TRRAP: variants seen among roughly 807,000 people sequenced by gnomAD.
TRRAP encodes transformation/transcription domain associated protein.
TRRAP carries 41 observed loss-of-function variants against 438.8 expected under a neutral mutation model. That is an observed-to-expected ratio of 0.09 (90% CI 0.07 to 0.12). The LOEUF is 0.12. Among genes scored for constraint, TRRAP ranks in the 10% least tolerant of loss-of-function variants. The pLI is 1.00. For missense variants in TRRAP, 3,122 were observed against 5,055.1 expected (o/e 0.62, Z 11.60); for synonymous variants, 1,994 against 1,962.9 (o/e 1.02, Z -0.42).
Position 98,897,842 on chromosome 7 carries a change from G to T in TRRAP, c.609G>T (p.Glu203Asp). ...CGATTGCTGTGAAAGTCAACCCGGA[G>T]CGTGAGGACAGTGAGACTCGAACAG... is the stretch of plus-strand genomic sequence containing the variant. ...ITTIAVKVNP[E>D]REDSETRTHS... Residue 203 changes from glutamate to aspartate, a missense_variant, in exon 8 of 73, where the codon GAG becomes GAT. Glu to Asp is a conservative substitution (Grantham distance 45, BLOSUM62 2). Coordinates refer to ENST00000456197, the MANE Select transcript of TRRAP (RefSeq NM_001375524.1). 6.2e-7 allele frequency: 1 copy of T among 1,614,060 alleles called. No individual in the cohort carries two copies. The highest frequency in any genetic ancestry group is 8.5e-7 in the Non-Finnish European group (1 of 1,180,002).
In TRRAP at chr7:98,956,866, A is replaced by G. The variant is rs1554419960; in HGVS notation, c.6231+333A>G. Among the ~76,000 whole-genome samples the G allele has an allele frequency of 5.3e-5, 8 of 152,110 alleles. No homozygotes were observed. The highest frequency in any genetic ancestry group is 5.9e-5 in the Non-Finnish European group (4 of 68,022). On this transcript the variant is annotated intron_variant, in intron 43 of 72. Coordinates refer to ENST00000456197, the MANE Select transcript of TRRAP (RefSeq NM_001375524.1). This position sits in a 1 kb window ranked among gnomAD's most constrained non-coding sequence, Gnocchi z 4.5. ...ACTGAGATCAGTTTCTGAGAAGGAC[A>G]TGTGTTCTGTTTCACGAGGCAGCCA...
At chr7:98,978,926 C>G in intron 58 of TRRAP, 22 bp downstream of exon 58, 1 of 1,612,164 alleles carries the variant, frequency 6.2e-7, no homozygotes, top group South Asian at 1.1e-5. Flanking sequence ...CGGGGGCATC[C>G]CTGCCGCTGC....
At position 98,931,681 on chromosome 7, in the gene TRRAP, C is replaced by G; in HGVS notation, c.3852+16C>G. On this transcript the variant is annotated intron_variant, in intron 26 of 72. Transcript: ENST00000456197. Reference sequence around the variant, plus strand: ...CCACAAAGAGGTGAGATTTCTGTCACCAGAACCAAGGTAATTTCAACAAAA... The same window carrying G: ...CCACAAAGAGGTGAGATTTCTGTCAGCAGAACCAAGGTAATTTCAACAAAA... The G allele has an allele frequency of 6.2e-7, 1 of 1,603,316 alleles. No homozygotes were observed. Among genetic ancestry groups the G allele is most frequent in the Non-Finnish European group, 8.5e-7 (1 of 1,172,340 alleles).
At chr7:98,903,968 C>T (rs2116369387) in intron 12 of TRRAP, among the ~76,000 whole-genome samples, 1 of 152,170 alleles carries the variant, frequency 6.6e-6, no homozygotes, top group African/African-American at 2.4e-5. Context: ...CACCACCACG[C>T]CCGGTTAATT....
At chr7:98,894,000 C>A in intron 6 of TRRAP, 119 bp downstream of exon 6, 3 of 868,598 alleles carry the variant, frequency 3.5e-6, no homozygotes, top group Middle Eastern at 2.9e-4. Context: ...AGAAATACAG[C>A]CTAAGTTTGG....
At position 98,943,008 on chromosome 7, in the gene TRRAP, C is replaced by T. The variant is rs1554416035; in HGVS notation, c.4464C>T (p.Ser1488=). 2.5e-6 allele frequency: 4 copies of T among 1,614,060 alleles called. No individual in the cohort carries two copies. Among genetic ancestry groups the T allele is most frequent in the African/African-American group, 1.3e-5 (1 of 75,020 alleles). The part of the protein sequence containing the change: ...VVITHKGGQR[S]DGNESISECG... ...TCACCCACAAAGGGGGCCAGAGGAGCGACGGAAACGTGAGTGACTTGTTTG... is the reference window on the plus strand; with the variant it reads ...TCACCCACAAAGGGGGCCAGAGGAGTGACGGAAACGTGAGTGACTTGTTTG... The change falls in exon 31 of 73, where the codon AGC becomes AGT. Residue 1488 remains serine, a synonymous_variant. Transcript: ENST00000456197.
Position 98,988,810 on chromosome 7 carries a change from C to T in TRRAP, c.9435C>T (p.His3145=), listed in dbSNP as rs774103029. Residue 3145 remains histidine, a synonymous_variant, in exon 63 of 73, where the codon CAC becomes CAT. Transcript: ENST00000456197. ...NKAFSAAVQM[H]DVLVKAWAMW... is the part of the protein sequence containing the mutation. ...CCTTCTCTGCAGCTGTGCAGATGCA[C>T]GATGTGCTGGTGAAAGCCTGGGCCA... The T allele has an allele frequency of 1.1e-5, 17 of 1,614,056 alleles. No homozygotes were observed. In the South Asian group the frequency reaches 1.2e-4, roughly 11 times the overall value.
At position 98,976,896 on chromosome 7, in the gene TRRAP, G is replaced by A. The variant is rs779488931; in HGVS notation, c.8248-43G>A. 2 of 1,608,470 alleles carry A rather than the reference G, an allele frequency of 1.2e-6. No individual in the cohort carries two copies. The highest frequency in any genetic ancestry group is 1.3e-5 in the African/African-American group (1 of 74,710). On this transcript the variant is annotated intron_variant, in intron 55 of 72. Transcript: ENST00000456197. This position sits in a 1 kb window ranked among gnomAD's most constrained non-coding sequence, Gnocchi z 4.6. ...AAACTATTTTTAGGGGGGAAAAAAAGTCTCTGTCTCAAGCACTCAGGAACC... is the reference window on the plus strand; with the variant it reads ...AAACTATTTTTAGGGGGGAAAAAAAATCTCTGTCTCAAGCACTCAGGAACC...
intron 26 of TRRAP, among the ~76,000 whole-genome samples, chr7:98,932,257 G>C (rs1366829094): frequency 6.6e-6 from 1 of 151,960 alleles, no homozygotes; most frequent in Non-Finnish European, 1.5e-5. Context: ...GGGACTACAG[G>C]TGCCCACCAC....
chr7:99,002,623 G>A (rs1243144505), intron 67 of TRRAP, among the ~76,000 whole-genome samples: 4 of 152,162 alleles, frequency 2.6e-5, no homozygotes, highest in Admixed American at 2.0e-4. Flanking sequence ...ACAGCAGCCT[G>A]TCCAGCCACC....
chr7:98,951,399 G>C (rs1184120455), intron 39 of TRRAP, among the ~76,000 whole-genome samples: 1 of 152,192 alleles, frequency 6.6e-6, no homozygotes, highest in Non-Finnish European at 1.5e-5. Flanking sequence ...ATATGAGACT[G>C]CCTGCAGTAG....
intron 62 of TRRAP, among the ~76,000 whole-genome samples, chr7:98,988,078 C>A (rs1420825935): frequency 1.3e-5 from 2 of 152,202 alleles, no homozygotes; most frequent in African/African-American, 4.8e-5. Flanking sequence ...TTTTAATCCG[C>A]TGCTGGAGTT....
At chr7:98,936,226 T>C (rs1225924478) in intron 28 of TRRAP, among the ~76,000 whole-genome samples, 1 of 152,246 alleles carries the variant, frequency 6.6e-6, no homozygotes, top group African/African-American at 2.4e-5. Context: ...TCTCCTGCTT[T>C]GTTGATTTTT....
At chr7:98,955,631 G>T (rs1442343946) in intron 41 of TRRAP, among the ~76,000 whole-genome samples, 1 of 152,152 alleles carries the variant, frequency 6.6e-6, no homozygotes, top group Non-Finnish European at 1.5e-5. Context: ...TCCATCACCT[G>T]CCTTGGAAAG....
intron 12 of TRRAP, among the ~76,000 whole-genome samples, chr7:98,904,051 G>T (rs1402268008): frequency 6.6e-6 from 1 of 152,010 alleles, no homozygotes; most frequent in Non-Finnish European, 1.5e-5. Flanking sequence ...CTCAAGTGAT[G>T]TGCCTGCCTC....
intron 53 of TRRAP, among the ~76,000 whole-genome samples, chr7:98,974,565 T>C (rs1792564872): frequency 6.6e-6 from 1 of 152,190 alleles, no homozygotes; most frequent in South Asian, 2.1e-4. Context: ...GAACAAGCCA[T>C]GGACTTGGGG....
intron 58 of TRRAP, among the ~76,000 whole-genome samples, chr7:98,980,524 A>G (rs73711459): frequency 0.01 from 1,562 of 152,196 alleles, 29 homozygotes; most frequent in African/African-American, 0.035. Context: ...TAGGGCAGAA[A>G]GGAACACATG....
rs1584275638 is a variant in TRRAP, at chr7:98,893,780, T to C, written c.367-18T>C. 6.2e-7 allele frequency: 1 copy of C among 1,609,852 alleles called. No individual in the cohort carries two copies. The highest frequency in any genetic ancestry group is 8.5e-7 in the Non-Finnish European group (1 of 1,177,222). Reference sequence around the variant, plus strand: ...TGAGTCTTCAGAAGTATAACTTTCATTAAATGCTTTTTTTTAGACGGAAAA... The same window carrying C: ...TGAGTCTTCAGAAGTATAACTTTCACTAAATGCTTTTTTTTAGACGGAAAA... On this transcript the variant is annotated intron_variant, in intron 5 of 72. Coordinates refer to ENST00000456197, the MANE Select transcript of TRRAP (RefSeq NM_001375524.1).
intron 7 of TRRAP, among the ~76,000 whole-genome samples, chr7:98,896,818 C>T (rs548465921): frequency 1.3e-5 from 2 of 152,126 alleles, no homozygotes; most frequent in Non-Finnish European, 2.9e-5. Context: ...GTTGTCAAGT[C>T]CTGCCACCTG....
Sources: gnomAD v4.1 joint callset for allele counts (sites outside exome capture counted in the v4.1 genomes callset) on GRCh38, gnomAD v4.1.1 for gene constraint, Gnocchi (gnomAD v3.1) non-coding constraint, MANE v1.5 for transcripts, NCBI Gene and HGNC (gene_info 2026-07-23, HGNC 2026-07-21) for gene names.